SPC25: variants seen among roughly 807,000 people sequenced by gnomAD.
SPC25 encodes SPC25 component of NDC80 kinetochore complex.
A neutral mutation model predicts 29.6 loss-of-function variants in SPC25; 22 were observed. The observed-to-expected ratio is 0.74, with a 90% CI of 0.53 to 1.06. The LOEUF is 1.06. Ranked by LOEUF, SPC25 falls within the 50% of genes least tolerant of loss-of-function variation. The pLI, the probability that SPC25 is intolerant of heterozygous loss-of-function variation, is 0.00. For synonymous variants in SPC25, 91 were observed against 90.4 expected (o/e 1.01, Z -0.04); for missense variants, 230 against 255.8 (o/e 0.90, Z 0.69).
At chr2:168,867,360 G>T (rs1015136826), downstream of SPC25, among the ~76,000 whole-genome samples, 2 of 152,092 alleles carry the variant, frequency 1.3e-5, no homozygotes, top group Admixed American at 1.3e-4. Context: ...ACATCATAAT[G>T]ACAGGACCAA....
chr2:168,889,080 T>TAC (rs1248687583), intron 3 of SPC25, 146 bp downstream of exon 3: 5 of 193,146 alleles, frequency 2.6e-5, no homozygotes, highest in African/African-American at 1.8e-4. Flanking sequence ...CACATATATA[T>TAC]ACATATATAT....
downstream of SPC25, among the ~76,000 whole-genome samples, chr2:168,866,011 T>C (rs1689840588): frequency 6.6e-6 from 1 of 152,272 alleles, no homozygotes; most frequent in Non-Finnish European, 1.5e-5. Flanking sequence ...TGCTCATGGG[T>C]AGGAAGAATC....
At chr2:168,874,730 C>T (rs12477774) in intron 5 of SPC25, among the ~76,000 whole-genome samples, 1 of 152,126 alleles carries the variant, frequency 6.6e-6, no homozygotes, top group African/African-American at 2.4e-5. Flanking sequence ...TCCAGAACCT[C>T]TAATGAGCTT....
At chr2:168,866,302 G>C (rs1215385506), downstream of SPC25, among the ~76,000 whole-genome samples, 3 of 152,302 alleles carry the variant, frequency 2.0e-5, no homozygotes, top group African/African-American at 7.2e-5. Flanking sequence ...GAACAGAACA[G>C]AGCCCTCAGA....
At chr2:168,864,784 G>C in intron 4 of SPC25, 3 of 1,604,944 alleles carry the variant, frequency 1.9e-6, no homozygotes, top group Non-Finnish European at 2.6e-6. Context: ...ATCGGGCTGA[G>C]GCATGTGTTC....
At position 168,889,490 on chromosome 2, in the gene SPC25, A is replaced by C; in HGVS notation, c.30T>G (p.Asp10Glu). 3 of 1,613,966 alleles carry C rather than the reference A, an allele frequency of 1.9e-6. No homozygotes were observed. Among genetic ancestry groups the C allele is most frequent in the Non-Finnish European group, 2.5e-6 (3 of 1,179,962 alleles). Residue 10 changes from aspartate (D) to glutamate (E), a missense_variant, in exon 2 of 7, where the codon GAT (aspartate) becomes GAG (glutamate). By Grantham distance (45) the Asp-to-Glu change is conservative. Transcript: ENST00000282074. MVEDELALF[D>E]KSINEFWNKF... is the part of the protein sequence containing the mutation. ...TATTCCAAAATTCATTTATGCTTTTATCGAAAAGTGCCAGTTCGTCCTCTA... is the reference window on the plus strand; with the variant it reads ...TATTCCAAAATTCATTTATGCTTTTCTCGAAAAGTGCCAGTTCGTCCTCTA...
At position 168,889,267 on chromosome 2, in the gene SPC25, T is replaced by C; in HGVS notation, c.158A>G (p.Glu53Gly). 6.2e-7 allele frequency: 1 copy of C among 1,613,882 alleles called. No individual in the cohort carries two copies. The highest frequency in any genetic ancestry group is 8.5e-7 in the Non-Finnish European group (1 of 1,179,972). ...AAACATCTCAACCATTCGTTCTTCTTCCTTTAATTTCACAGACAGCTTTTC... is the reference window on the plus strand; with the variant it reads ...AAACATCTCAACCATTCGTTCTTCTCCCTTTAATTTCACAGACAGCTTTTC... ...FAEKLSVKLK[E>G]EERMVEMFLE... The change falls in exon 3 of 7, where the codon GAA becomes GGA. Residue 53 changes from glutamate (E) to glycine (G), a missense_variant. Coordinates refer to ENST00000282074, the MANE Select transcript of SPC25 (RefSeq NM_020675.4).
intron 3 of SPC25, chr2:168,884,727 A>G (rs1669708110): frequency 1.3e-5 from 2 of 152,244 alleles, no homozygotes; most frequent in African/African-American, 2.4e-5. Context: ...TGGAGAGGAA[A>G]TGTAATGCTC....
chr2:168,878,620 A>T (rs974630993), intron 3 of SPC25, among the ~76,000 whole-genome samples: 4 of 152,196 alleles, frequency 2.6e-5, no homozygotes, highest in African/African-American at 9.6e-5. Context: ...TAGACAATAG[A>T]CATCTATCTA....
chr2:168,884,397 C>A (rs1181807728), intron 3 of SPC25, among the ~76,000 whole-genome samples: 1 of 152,202 alleles, frequency 6.6e-6, no homozygotes, highest in Non-Finnish European at 1.5e-5. Context: ...AGATGATCTT[C>A]CTTCTTGTGA....
downstream of SPC25, among the ~76,000 whole-genome samples, chr2:168,867,237 A>C (rs1689879055): frequency 6.6e-6 from 1 of 152,182 alleles, no homozygotes. Context: ...AATGTCCAAC[A>C]ATGATAGACT....
chr2:168,871,696 C>T lies in SPC25; in HGVS notation c.551-141G>A. 6.8e-6 allele frequency: 5 copies of T among 739,710 alleles called. No homozygotes were observed. In the Admixed American group the frequency reaches 1.0e-4, roughly 15 times the overall value. 45.8% of individuals were successfully genotyped at this position (739,710 alleles called of 1,614,324 possible). ...AATTCTTTGAGCAAAAAAGGATACA[C>T]TTGATTTTCCTATGCCAAATATCTT... On this transcript the variant is annotated intron_variant, in intron 6 of 6. Coordinates refer to ENST00000282074, the MANE Select transcript of SPC25 (RefSeq NM_020675.4).
intron 3 of SPC25, among the ~76,000 whole-genome samples, chr2:168,885,362 T>C (rs1690244392): frequency 6.6e-6 from 1 of 152,190 alleles, no homozygotes; most frequent in Non-Finnish European, 1.5e-5. Context: ...CCTGTACTAT[T>C]ACACTAAATT....
intron 4 of SPC25, 84 bp from the exon 5 acceptor site, chr2:168,876,260 C>A: frequency 2.1e-6 from 2 of 971,602 alleles, no homozygotes; most frequent in South Asian, 3.8e-5. Flanking sequence ...AACTTAAAAT[C>A]AACTATAAAA....
intron 3 of SPC25, among the ~76,000 whole-genome samples, chr2:168,884,044 C>T (rs561606187): frequency 1.2e-4 from 18 of 152,302 alleles, no homozygotes; most frequent in African/African-American, 3.6e-4. Flanking sequence ...GCTAGGACTA[C>T]AGGTGTGAGC....
intron 4 of SPC25, chr2:168,862,124 T>A (rs920817849): frequency 1.5e-6 from 2 of 1,328,352 alleles, no homozygotes; most frequent in African/African-American, 1.4e-5. Context: ...CCTGTCTTAG[T>A]GTGGCAGCCT....
chr2:168,881,376 G>T lies in SPC25; in HGVS notation c.200-3992C>A, dbSNP rs1690175243. On this transcript the variant is annotated intron_variant, in intron 3 of 6. Coordinates refer to ENST00000282074, the MANE Select transcript of SPC25 (RefSeq NM_020675.4). ...TGCATAAACCTGGCCAAACCTCTCTGCTGGGAAAGGAGTAACCCTGGCAGG... is the reference window on the plus strand; with the variant it reads ...TGCATAAACCTGGCCAAACCTCTCTTCTGGGAAAGGAGTAACCCTGGCAGG... Among the ~76,000 whole-genome samples the T allele has an allele frequency of 2.6e-5, 4 of 152,126 alleles. No homozygotes were observed. The South Asian group carries it at 8.3e-4, about 31-fold the overall frequency.
downstream of SPC25, among the ~76,000 whole-genome samples, chr2:168,869,079 C>G (rs1003225433): frequency 6.6e-6 from 1 of 152,168 alleles, no homozygotes; most frequent in Non-Finnish European, 1.5e-5. Context: ...CGTAATCCAG[C>G]ATATAAACAG....
intron 4 of SPC25, chr2:168,863,487 G>C (rs1480991730): frequency 2.0e-6 from 2 of 985,128 alleles, no homozygotes; most frequent in African/African-American, 3.5e-5. Context: ...ATCCTGAAGG[G>C]GGCAGATCTT....
Sources: allele counts gnomAD v4.1 joint callset (sites outside exome capture counted in the v4.1 genomes callset), GRCh38; gene constraint gnomAD v4.1.1; transcripts MANE v1.5; gene names NCBI Gene and HGNC (gene_info 2026-07-23, HGNC 2026-07-21).